Variants in TGFBR3 observed in about 807,000 individuals in gnomAD.
TGFBR3 encodes transforming growth factor beta receptor type 3.
A neutral mutation model predicts 87.9 loss-of-function variants in TGFBR3; 46 were observed. That is an observed-to-expected ratio of 0.52 (90% CI 0.41 to 0.67). The LOEUF (loss-of-function observed/expected upper bound fraction) is 0.67. Among genes scored for constraint, TGFBR3 ranks in the 30% least tolerant of loss-of-function variants. The pLI is 0.00. For missense variants in TGFBR3, 866 were observed against 1,041.9 expected (o/e 0.83, Z 2.32); for synonymous variants, 381 against 391.6 (o/e 0.97, Z 0.32).
chr1:91,846,591 ATT>A (rs5776123), intron 2 of TGFBR3, among the ~76,000 whole-genome samples: 1 of 151,744 alleles, frequency 6.6e-6, no homozygotes, highest in African/African-American at 2.4e-5. Context: ...CCCTGAAGAC[ATT>A]TTTTTTCTTC....
chr1:91,826,953 C>G (rs1309248741), intron 2 of TGFBR3, among the ~76,000 whole-genome samples: 2 of 152,030 alleles, frequency 1.3e-5, no homozygotes, highest in African/African-American at 2.4e-5. Flanking sequence ...TATACTCAAC[C>G]CCAAACATTT....
intron 1 of TGFBR3, among the ~76,000 whole-genome samples, chr1:91,881,414 C>A (rs370196750): frequency 6.6e-6 from 1 of 152,138 alleles, no homozygotes; most frequent in Non-Finnish European, 1.5e-5. Flanking sequence ...TTCAAGCCAA[C>A]GAAAGGCTTT....
At chr1:91,787,833 T>C (rs757425439) in intron 3 of TGFBR3, among the ~76,000 whole-genome samples, 1 of 151,334 alleles carries the variant, frequency 6.6e-6, no homozygotes. Context: ...GCGCCTATAG[T>C]CCCAGCTACT....
At chr1:91,756,440 A>G (rs1318588739) in intron 4 of TGFBR3, among the ~76,000 whole-genome samples, 3 of 152,154 alleles carry the variant, frequency 2.0e-5, no homozygotes, top group African/African-American at 7.2e-5. Flanking sequence ...CTCTGCAAGT[A>G]ACTAGCCATG....
chr1:91,893,768 T>G (rs1427981914), intron 2 of TGFBR3, among the ~76,000 whole-genome samples: 1 of 152,066 alleles, frequency 6.6e-6, no homozygotes, highest in Non-Finnish European at 1.5e-5. Context: ...ATAGTCCATG[T>G]TTTTCAAAGT....
At chr1:91,758,450 A>G (rs764335015) in intron 4 of TGFBR3, among the ~76,000 whole-genome samples, 163 bp downstream of exon 4, 12 of 152,166 alleles carry the variant, frequency 7.9e-5, no homozygotes, top group African/African-American at 2.4e-4. Flanking sequence ...ATGCTTATCT[A>G]TGTCATCATC....
At chr1:91,861,410 A>C in intron 2 of TGFBR3, 61 bp downstream of exon 2, 1 of 1,307,152 alleles carries the variant, frequency 7.7e-7, no homozygotes, top group Non-Finnish European at 1.1e-6. Context: ...AACTAAAGAG[A>C]CTGGGACAAA....
chr1:91,727,396 G>A (rs981549856), intron 7 of TGFBR3, among the ~76,000 whole-genome samples: 3 of 152,196 alleles, frequency 2.0e-5, no homozygotes, highest in African/African-American at 7.2e-5. Context: ...AAATGAGGGA[G>A]CTGGGGTTCA....
At chr1:91,704,340 A>AAAGAAAG (rs899757374) in intron 14 of TGFBR3, among the ~76,000 whole-genome samples, 7 of 150,550 alleles carry the variant, frequency 4.6e-5, no homozygotes, top group African/African-American at 1.2e-4. Context: ...AAAAAAAAAA[A>AAAGAAAG]AAAGAAAGAA....
chr1:91,880,508 G>A (rs11580031), intron 1 of TGFBR3, among the ~76,000 whole-genome samples: 39,732 of 151,996 alleles, frequency 0.26, 5,697 homozygotes, highest in Non-Finnish European at 0.31. Context: ...TGAGGCAAGA[G>A]AATGGCGTGA....
chr1:91,797,023 A>G (rs989267390), intron 3 of TGFBR3, among the ~76,000 whole-genome samples: 2 of 152,060 alleles, frequency 1.3e-5, no homozygotes, highest in Non-Finnish European at 2.9e-5. Flanking sequence ...CACCATCACC[A>G]TGCCTGGCCT....
chr1:91,712,953 T>C (rs1383101349), intron 12 of TGFBR3, among the ~76,000 whole-genome samples: 3 of 152,214 alleles, frequency 2.0e-5, no homozygotes, highest in African/African-American at 7.2e-5. Context: ...AAGCTCTTTT[T>C]AAAGACTGAC....
chr1:91,716,281 G>A lies in TGFBR3; in HGVS notation c.1821C>T (p.Ser607=), dbSNP rs1403730941. The A allele has an allele frequency of 1.2e-6, 2 of 1,614,132 alleles. No individual in the cohort carries two copies. Among genetic ancestry groups the A allele is most frequent in the East Asian group, 4.5e-5 (2 of 44,862 alleles). ...TCTCTGGCACAGAGAAGACGCCCTG[G>A]GAGGGCACCAAAAAGAGGTCAGTGT... The part of the protein sequence containing the change: ...LYNTDLFLVP[S]QGVFSVPENG... Residue 607 remains serine, a synonymous_variant, in exon 12 of 17, where the codon TCC becomes TCT. Coordinates refer to ENST00000212355, the MANE Select transcript of TGFBR3 (RefSeq NM_003243.5).
chr1:91,824,752 G>A (rs761176845), intron 2 of TGFBR3, among the ~76,000 whole-genome samples: 17 of 152,220 alleles, frequency 1.1e-4, no homozygotes, highest in South Asian at 2.1e-4. Context: ...ACGAGGTCAC[G>A]AGTTCGAGAC....
intron 13 of TGFBR3, among the ~76,000 whole-genome samples, chr1:91,709,093 A>T (rs1011093965): frequency 1.3e-5 from 2 of 152,174 alleles, no homozygotes; most frequent in Non-Finnish European, 2.9e-5. Flanking sequence ...GAAAAACTAT[A>T]TGCCTAGTGT....
intron 12 of TGFBR3, among the ~76,000 whole-genome samples, chr1:91,713,957 A>C (rs1672077047): frequency 6.6e-6 from 1 of 151,826 alleles, no homozygotes; most frequent in African/African-American, 2.4e-5. Context: ...AAGGTATCCC[A>C]AAAAGGGATA....
At chr1:91,820,578 CG>C (rs1355530299) in intron 2 of TGFBR3, among the ~76,000 whole-genome samples, 1 of 151,932 alleles carries the variant, frequency 6.6e-6, no homozygotes, top group Non-Finnish European at 1.5e-5. Context: ...CCCAGCTACT[CG>C]GGAGGCTGAG....
chr1:91,832,357 T>C (rs1676881709), intron 2 of TGFBR3, among the ~76,000 whole-genome samples: 1 of 83,196 alleles, frequency 1.2e-5, no homozygotes, highest in Admixed American at 1.1e-4. Context: ...TGTACAGGAA[T>C]TTTAAATTTG....
At chr1:91,719,625 A>G (rs1672291519) in intron 9 of TGFBR3, among the ~76,000 whole-genome samples, 161 bp from the exon 10 acceptor site, 1 of 152,126 alleles carries the variant, frequency 6.6e-6, no homozygotes, top group African/African-American at 2.4e-5. Context: ...ACCTCTCAAC[A>G]GCTCAAGGGT....
Sources: allele counts gnomAD v4.1 joint callset (sites outside exome capture counted in the v4.1 genomes callset), GRCh38; gene constraint gnomAD v4.1.1; transcripts MANE v1.5; gene names NCBI Gene and HGNC (gene_info 2026-07-23, HGNC 2026-07-21).